Variants in CLEC1A observed in about 807,000 individuals in gnomAD.
CLEC1A encodes C-type lectin-like receptor-1.
CLEC1A carries 34 observed loss-of-function variants against 28.7 expected under a neutral mutation model. The ratio of observed to expected loss-of-function variants is 1.18; its 90% CI spans 0.90 to 1.57. CLEC1A has a LOEUF of 1.57. CLEC1A is among the 40% of genes most tolerant of loss of function. The pLI is 0.00. For missense variants in CLEC1A, 385 were observed against 339.5 expected, an observed-to-expected ratio of 1.13 and a Z score of -1.05; for synonymous variants, 116 against 121.0, an observed-to-expected ratio of 0.96 and a Z score of 0.27.
chr12:10,075,370 A>C (rs1866227987), intron 4 of CLEC1A, 134 bp downstream of exon 4: 1 of 832,462 alleles, frequency 1.2e-6, no homozygotes, highest in Non-Finnish European at 1.9e-6. Flanking sequence ...CAATAGGAAT[A>C]AGACTCAGGC....
intron 2 of CLEC1A, chr12:10,084,134 A>G (rs1436299756): frequency 6.6e-6 from 1 of 152,260 alleles, no homozygotes; most frequent in Non-Finnish European, 1.5e-5. Context: ...ATAAACCAGG[A>G]AAACACCCAT....
At chr12:10,093,580 A>G (rs1947737157) in intron 1 of CLEC1A, among the ~76,000 whole-genome samples, 1 of 152,056 alleles carries the variant, frequency 6.6e-6, no homozygotes, top group Non-Finnish European at 1.5e-5. Context: ...AGCTGACATT[A>G]CCATATACAG....
At chr12:10,077,847 T>C (rs982119622) in intron 3 of CLEC1A, among the ~76,000 whole-genome samples, 9 of 152,158 alleles carry the variant, frequency 5.9e-5, no homozygotes, top group African/African-American at 2.2e-4. Context: ...TGTATGTGTC[T>C]GGCCCAGAAT....
rs777014722 is a variant in CLEC1A, at chr12:10,071,311, A to C, written c.*22T>G. 3.1e-5 allele frequency: 50 copies of C among 1,607,560 alleles called. No homozygotes were observed. The highest frequency in any genetic ancestry group is 2.0e-5 in the Non-Finnish European group (24 of 1,176,694). ...TTGGCACCGCCTGGCTCACTCTGCT[A>C]TTTGTAGTTGCAGAGGGCGAATCAG... On this transcript the variant is annotated 3_prime_UTR_variant, in exon 6 of 6. Transcript: ENST00000315330.
At position 10,073,359 on chromosome 12, in the gene CLEC1A, C is replaced by G; in HGVS notation, c.596G>C (p.Gly199Ala). 1 of 1,614,056 alleles carries G rather than the reference C, an allele frequency of 6.2e-7. No homozygotes were observed. Among genetic ancestry groups the G allele is most frequent in the Non-Finnish European group, 8.5e-7 (1 of 1,179,958 alleles). The change falls in exon 5 of 6, where the codon GGG (glycine) becomes GCG (alanine). Residue 199 changes from glycine (G) to alanine (A), a missense_variant. By Grantham distance (60) the Gly-to-Ala change is moderately conservative. Coordinates refer to ENST00000315330, the MANE Select transcript of CLEC1A (RefSeq NM_016511.4). The part of the protein sequence containing the change: ...YSEFFYSYWT[G>A]LLRPDSGKAW... ...CTTGCCACTGTCAGGGCGCAAAAGC[C>G]CTGTCCAATAAGAGTAGAAAAACTC...
At chr12:10,086,445 G>T (rs562690457) in intron 2 of CLEC1A, among the ~76,000 whole-genome samples, 1 of 151,268 alleles carries the variant, frequency 6.6e-6, no homozygotes, top group Non-Finnish European at 1.5e-5. Flanking sequence ...TCAATAGAAC[G>T]TTAGCAAGGT....
intron 1 of CLEC1A, among the ~76,000 whole-genome samples, chr12:10,093,257 G>A (rs1470598334): frequency 6.6e-6 from 1 of 150,718 alleles, no homozygotes; most frequent in Non-Finnish European, 1.5e-5. Context: ...TGGCTTTATT[G>A]TGGTTTTATT....
At chr12:10,092,406 C>G (rs1456774824) in intron 1 of CLEC1A, 2 of 378,842 alleles carry the variant, frequency 5.3e-6, no homozygotes, top group South Asian at 1.9e-5. Context: ...AATTCATCAG[C>G]CATGGTGGCA....
At chr12:10,071,629 C>T (rs535626443) in intron 5 of CLEC1A, 116 bp from the exon 6 acceptor site, 17 of 840,482 alleles carry the variant, frequency 2.0e-5, no homozygotes, top group East Asian at 6.1e-5. Context: ...ATAAGTTTAC[C>T]GGGAAACTGG....
At chr12:10,079,367 G>T (rs1866318603) in intron 3 of CLEC1A, among the ~76,000 whole-genome samples, 1 of 152,088 alleles carries the variant, frequency 6.6e-6, no homozygotes, top group African/African-American at 2.4e-5. Context: ...AAATATGTAA[G>T]AATTTTTTAT....
At chr12:10,084,555 G>C (rs1400209686) in intron 2 of CLEC1A, 1 of 152,256 alleles carries the variant, frequency 6.6e-6, no homozygotes, top group Non-Finnish European at 1.5e-5. Flanking sequence ...AGGTGCAGTG[G>C]CTCAAGTCTG....
chr12:10,073,134 A>G (rs924025146), intron 5 of CLEC1A, among the ~76,000 whole-genome samples, 159 bp downstream of exon 5: 1 of 152,088 alleles, frequency 6.6e-6, no homozygotes, highest in African/African-American at 2.4e-5. Context: ...ATGAGGATGC[A>G]CTATTGTTCA....
chr12:10,073,545 G>A, intron 4 of CLEC1A, 134 bp from the exon 5 acceptor site: 1 of 649,058 alleles, frequency 1.5e-6, no homozygotes, highest in South Asian at 2.3e-5. Context: ...ATATGCTTAA[G>A]AGAAAAAGCA....
chr12:10,077,408 T>C (rs547094761), intron 3 of CLEC1A, among the ~76,000 whole-genome samples: 1 of 152,224 alleles, frequency 6.6e-6, no homozygotes, highest in African/African-American at 2.4e-5. Flanking sequence ...GACCCTGTTT[T>C]CCCCACCTCT....
intron 2 of CLEC1A, among the ~76,000 whole-genome samples, chr12:10,087,855 A>G (rs1478044459): frequency 6.6e-6 from 1 of 151,714 alleles, no homozygotes; most frequent in East Asian, 1.9e-4. Context: ...TAATTTATCT[A>G]TGTATATTTA....
intron 3 of CLEC1A, among the ~76,000 whole-genome samples, chr12:10,078,367 C>T (rs535674287): frequency 6.6e-6 from 1 of 152,298 alleles, no homozygotes; most frequent in East Asian, 1.9e-4. Context: ...TATGCAGATA[C>T]ATTCATGTTT....
chr12:10,085,019 A>G (rs1205973942), intron 2 of CLEC1A, among the ~76,000 whole-genome samples: 2 of 152,100 alleles, frequency 1.3e-5, no homozygotes, highest in Non-Finnish European at 2.9e-5. Flanking sequence ...ACTGAGATTC[A>G]TAAATGAAAG....
intron 1 of CLEC1A, among the ~76,000 whole-genome samples, chr12:10,096,942 TA>T (rs1947785238): frequency 6.6e-6 from 1 of 152,172 alleles, no homozygotes; most frequent in South Asian, 2.1e-4. Flanking sequence ...GGCTGTACTG[TA>T]CATGCTTCTG....
At chr12:10,074,016 C>T (rs1166552612) in intron 4 of CLEC1A, among the ~76,000 whole-genome samples, 1 of 152,046 alleles carries the variant, frequency 6.6e-6, no homozygotes, top group Admixed American at 6.6e-5. Flanking sequence ...AAGTTGTTTA[C>T]TTACTTCTAT....
Sources: allele counts gnomAD v4.1 joint callset (sites outside exome capture counted in the v4.1 genomes callset), GRCh38; gene constraint gnomAD v4.1.1; transcripts MANE v1.5; gene names NCBI Gene and HGNC (gene_info 2026-07-23, HGNC 2026-07-21).